Variants in DSCAM observed in about 807,000 individuals in gnomAD.
DSCAM encodes cell adhesion molecule DSCAM.
In DSCAM, 47 loss-of-function variants were observed where a neutral mutation model predicts 217.7. The ratio of observed to expected loss-of-function variants is 0.22; its 90% CI spans 0.17 to 0.28. The LOEUF is 0.28. Ranked by LOEUF, DSCAM falls within the 10% of genes least tolerant of loss-of-function variation. DSCAM has a pLI of 1.00. For synonymous variants in DSCAM, 1,056 were observed against 1,015.3 expected, an observed-to-expected ratio of 1.04 and a Z score of -0.76; for missense variants, 2,080 against 2,618.3, an observed-to-expected ratio of 0.79 and a Z score of 4.49.
intron 8 of DSCAM, among the ~76,000 whole-genome samples, chr21:40,312,902 C>T (rs2123494315): frequency 6.6e-6 from 1 of 152,214 alleles, no homozygotes; most frequent in East Asian, 1.9e-4. Flanking sequence ...CACTTGAGGC[C>T]AGGAGTTCAA....
rs143335343 is a variant in DSCAM, at chr21:40,584,654, G to A, written c.508+108156C>T. ...GTCAGGTCAGCAGGGCCCAAACATG[G>A]CAGCTCCCTGGAAGCCCTGAAGAGC... On this transcript the variant is annotated intron_variant, in intron 3 of 32. Transcript: ENST00000400454. Among the ~76,000 whole-genome samples the A allele has an allele frequency of 1.8e-4, 28 of 152,216 alleles. No homozygotes were observed. The East Asian group carries it at 5.4e-3, about 30-fold the overall frequency.
chr21:40,698,544 G>C (rs1489464328), intron 2 of DSCAM, among the ~76,000 whole-genome samples: 1 of 152,124 alleles, frequency 6.6e-6, no homozygotes, highest in Admixed American at 6.5e-5. Flanking sequence ...CCCTGGGTGT[G>C]CCTGCCTAAC....
intron 3 of DSCAM, among the ~76,000 whole-genome samples, chr21:40,396,503 G>T (rs1240106004): frequency 6.6e-6 from 1 of 152,124 alleles, no homozygotes; most frequent in African/African-American, 2.4e-5. Flanking sequence ...TTCAGATGGG[G>T]GGCAACTCAC....
At chr21:40,554,918 G>T (rs1257963765) in intron 3 of DSCAM, among the ~76,000 whole-genome samples, 1 of 152,040 alleles carries the variant, frequency 6.6e-6, no homozygotes, top group Non-Finnish European at 1.5e-5. Context: ...CCATTACATT[G>T]TGAGCCCCTT....
rs141581624 is a variant in DSCAM, at chr21:40,578,603, C to T, written c.508+114207G>A. 5.5e-4 allele frequency among the ~76,000 whole-genome samples: 83 copies of T among 152,262 alleles called. 1 individual carries two copies. Among genetic ancestry groups the T allele is most frequent in the South Asian group, 1.0e-3 (5 of 4,826 alleles). On this transcript the variant is annotated intron_variant, in intron 3 of 32. Coordinates refer to ENST00000400454, the MANE Select transcript of DSCAM (RefSeq NM_001389.5). ...CAGCAGCAGCACCCAGCGTGGGACC[C>T]CTTTTGCACTGTGGTACCTTTGTTC...
chr21:40,725,620 G>A (rs2090948006), intron 1 of DSCAM, among the ~76,000 whole-genome samples: 1 of 152,226 alleles, frequency 6.6e-6, no homozygotes, highest in Admixed American at 6.5e-5. Context: ...ACAGCACTGA[G>A]TGTATGGACA....
At chr21:40,116,821 T>C (rs2089976375) in intron 20 of DSCAM, among the ~76,000 whole-genome samples, 1 of 150,802 alleles carries the variant, frequency 6.6e-6, no homozygotes, top group Admixed American at 6.6e-5. Flanking sequence ...GCTAACACAG[T>C]GAAACCTCAT....
intron 11 of DSCAM, among the ~76,000 whole-genome samples, chr21:40,233,166 C>A (rs968620068): frequency 3.3e-5 from 5 of 151,930 alleles, no homozygotes; most frequent in Non-Finnish European, 5.9e-5. Context: ...ACATGTACTC[C>A]CGAACCTAAA....
intron 1 of DSCAM, among the ~76,000 whole-genome samples, chr21:40,779,101 A>G (rs117453884): frequency 1.3e-5 from 2 of 150,628 alleles, no homozygotes; most frequent in Non-Finnish European, 3.0e-5. Context: ...AATCCTGCCC[A>G]TGGAAGGGCT....
chr21:40,471,364 G>A (rs1301836893), intron 3 of DSCAM, among the ~76,000 whole-genome samples: 1 of 152,170 alleles, frequency 6.6e-6, no homozygotes. Flanking sequence ...CAACTATGGG[G>A]CTCTATGCCT....
chr21:40,123,667 G>A (rs1046690406), intron 20 of DSCAM, among the ~76,000 whole-genome samples: 2 of 151,944 alleles, frequency 1.3e-5, no homozygotes, highest in Non-Finnish European at 2.9e-5. Context: ...TAACTGTAAG[G>A]GTAATAGATC....
intron 3 of DSCAM, among the ~76,000 whole-genome samples, chr21:40,435,732 C>T (rs1352658861): frequency 6.6e-6 from 1 of 152,220 alleles, no homozygotes; most frequent in Non-Finnish European, 1.5e-5. Flanking sequence ...TATTCAGTTT[C>T]ACTGATCTCT....
chr21:40,637,034 T>G (rs1271631254), intron 3 of DSCAM, among the ~76,000 whole-genome samples: 1 of 142,796 alleles, frequency 7.0e-6, no homozygotes, highest in Non-Finnish European at 1.5e-5. Flanking sequence ...AAAATCTACC[T>G]TTGCTAGAAT....
chr21:40,069,650 A>G (rs1166319832), intron 27 of DSCAM, among the ~76,000 whole-genome samples: 1 of 152,194 alleles, frequency 6.6e-6, no homozygotes, highest in Non-Finnish European at 1.5e-5. Flanking sequence ...ATCCACAAAA[A>G]AACTTTCTGA....
chr21:40,514,365 C>T (rs372274220), intron 3 of DSCAM, among the ~76,000 whole-genome samples: 133 of 152,328 alleles, frequency 8.7e-4, no homozygotes, highest in African/African-American at 2.5e-3. Flanking sequence ...TGGACTACAT[C>T]ACCCTTTTTC....
chr21:40,055,440 C>T (rs2088999134), intron 29 of DSCAM, among the ~76,000 whole-genome samples: 1 of 152,076 alleles, frequency 6.6e-6, no homozygotes, highest in Admixed American at 6.5e-5. Context: ...TCCGTAGCCT[C>T]CCCTGGAAAG....
intron 11 of DSCAM, among the ~76,000 whole-genome samples, chr21:40,268,603 A>AGAG (rs906284343): frequency 2.0e-5 from 3 of 146,886 alleles, no homozygotes; most frequent in African/African-American, 8.0e-5. Flanking sequence ...AGAAGGATGA[A>AGAG]GAGGAGGAGG....
In DSCAM at chr21:40,016,766, C is replaced by T. The variant is rs1190965988; in HGVS notation, c.5687-3380G>A. On this transcript the variant is annotated intron_variant, in intron 32 of 32. Coordinates refer to ENST00000400454, the MANE Select transcript of DSCAM (RefSeq NM_001389.5). The surrounding 1 kb of genome is among the most constrained non-coding windows in gnomAD (Gnocchi z 4.3). ...TTTAGACAGTGTTTAAAGCCTGAAC[C>T]TTAGGAAACACCTTCAAGTTTACCC... is the stretch of plus-strand genomic sequence containing the variant. 1.3e-5 allele frequency among the ~76,000 whole-genome samples: 2 copies of T among 152,138 alleles called. No individual in the cohort carries two copies. Among genetic ancestry groups the T allele is most frequent in the East Asian group, 1.9e-4 (1 of 5,194 alleles).
At chr21:40,131,910 T>G (rs995261425) in intron 19 of DSCAM, among the ~76,000 whole-genome samples, 5 of 152,162 alleles carry the variant, frequency 3.3e-5, no homozygotes, top group African/African-American at 1.2e-4. Flanking sequence ...GGGTCAAGTT[T>G]TGAGACAGAA....
Sources: allele counts gnomAD v4.1 joint callset (sites outside exome capture counted in the v4.1 genomes callset), GRCh38; gene constraint gnomAD v4.1.1; non-coding constraint Gnocchi (gnomAD v3.1); transcripts MANE v1.5; gene names NCBI Gene and HGNC (gene_info 2026-07-23, HGNC 2026-07-21).